Variants in PRTG observed in about 807,000 individuals in gnomAD.
The protein encoded by PRTG is protogenin, also known as immunoglobulin superfamily, DCC subclass, member 5.
Under a neutral mutation model 122.5 loss-of-function variants are expected in PRTG, and 67 were observed. That is an observed-to-expected ratio of 0.55 (90% CI 0.45 to 0.67). PRTG has a LOEUF of 0.67. PRTG is among the 30% of genes least tolerant of loss of function. The pLI is 0.00. For synonymous variants in PRTG, 554 were observed against 501.1 expected (o/e 1.11, Z -1.41); for missense variants, 1,435 against 1,415.4 (o/e 1.01, Z -0.22).
chr15:55,624,551 GATGCAGGCAA>G (rs1383620737), intron 17 of PRTG, 44 bp from the exon 18 acceptor site: 2 of 1,559,856 alleles, frequency 1.3e-6, no homozygotes, highest in Non-Finnish European at 1.7e-6. Flanking sequence ...TTTCATAGAA[GATGCAGGCAA>G]ATGAACCACC....
intron 2 of PRTG, among the ~76,000 whole-genome samples, chr15:55,720,996 T>C (rs2096409317): frequency 6.6e-6 from 1 of 152,072 alleles, no homozygotes; most frequent in African/African-American, 2.4e-5. Flanking sequence ...AACTACGTTT[T>C]TCCCAGCCAA....
At position 55,729,234 on chromosome 15, in the gene PRTG, T is replaced by C. The variant is rs567140857; in HGVS notation, c.397+11148A>G. On this transcript the variant is annotated intron_variant, in intron 2 of 19. Coordinates refer to ENST00000389286, the MANE Select transcript of PRTG (RefSeq NM_173814.6). Reference sequence around the variant, plus strand: ...ATACACGCCACAACGTGGATAAACCTTGAAAACATGCTAAGTGTAGGAAGA... The same window carrying C: ...ATACACGCCACAACGTGGATAAACCCTGAAAACATGCTAAGTGTAGGAAGA... Among the ~76,000 whole-genome samples, 16 of 152,340 alleles carry C rather than the reference T, an allele frequency of 1.1e-4. 1 individual carries two copies. In the South Asian group the frequency reaches 3.1e-3, roughly 30 times the overall value.
chr15:55,701,996 A>G (rs920327828), intron 2 of PRTG, among the ~76,000 whole-genome samples: 5 of 152,204 alleles, frequency 3.3e-5, no homozygotes. Flanking sequence ...ACTATTCTGT[A>G]TCCTGATTGT....
intron 18 of PRTG, among the ~76,000 whole-genome samples, chr15:55,622,564 TAAA>T (rs1567071885): frequency 6.7e-6 from 1 of 148,234 alleles, no homozygotes. Flanking sequence ...TTTTTTTTTT[TAAA>T]TTTTTAGTAG....
chr15:55,734,352 G>A (rs1182600822), intron 2 of PRTG, among the ~76,000 whole-genome samples: 5 of 152,090 alleles, frequency 3.3e-5, no homozygotes, highest in Non-Finnish European at 5.9e-5. Flanking sequence ...TTTATTTAAA[G>A]TAGTCTGCAT....
intron 2 of PRTG, among the ~76,000 whole-genome samples, chr15:55,722,526 A>C (rs1439496004): frequency 6.6e-6 from 1 of 152,246 alleles, no homozygotes; most frequent in African/African-American, 2.4e-5. Flanking sequence ...AGGGAATATC[A>C]GCCAAGGGCC....
chr15:55,738,025 TACAC>T lies in PRTG; in HGVS notation c.397+2353_397+2356del, dbSNP rs869067847. On this transcript the variant is annotated intron_variant, in intron 2 of 19. Transcript: ENST00000389286. The stretch of plus-strand genomic sequence containing the variant: ...CTCTATATATATATATATATATATA[TACAC>T]ACACACACACACACACACACACCAC... 4.0e-3 allele frequency among the ~76,000 whole-genome samples: 386 copies of T among 95,640 alleles called. 2 individuals carry two copies. The highest frequency in any genetic ancestry group is 0.013 in the African/African-American group (314 of 24,974). 62.7% of individuals were successfully genotyped at this position (95,640 alleles called of 152,430 possible). A position where few individuals can be genotyped will look rare whatever the true frequency, so the allele number is the denominator to read the frequency against.
At chr15:55,703,781 C>A (rs1467170821) in intron 2 of PRTG, among the ~76,000 whole-genome samples, 1 of 152,170 alleles carries the variant, frequency 6.6e-6, no homozygotes, top group African/African-American at 2.4e-5. Flanking sequence ...AAAAACTATT[C>A]TGTCTCCATA....
Position 55,738,000 on chromosome 15 carries a change from C to A in PRTG, c.397+2382G>T, listed in dbSNP as rs8035476. Among the ~76,000 whole-genome samples the A allele has an allele frequency of 2.6e-3, 174 of 66,906 alleles. 1 individual carries two copies. The highest frequency in any genetic ancestry group is 7.9e-3 in the African/African-American group (162 of 20,394). The allele number at this position is 66,906 out of a possible 152,430, so 43.9% of individuals were successfully genotyped here. A position where few individuals can be genotyped will look rare whatever the true frequency, so the allele number is the denominator to read the frequency against. Reference sequence around the variant, plus strand: ...ATTCTCTCTCTCTCTCTCTCTCTCTCTCTATATATATATATATATATATAT... The same window carrying A: ...ATTCTCTCTCTCTCTCTCTCTCTCTATCTATATATATATATATATATATAT... On this transcript the variant is annotated intron_variant, in intron 2 of 19. Coordinates refer to ENST00000389286, the MANE Select transcript of PRTG (RefSeq NM_173814.6).
At chr15:55,642,444 C>T (rs1280947876) in intron 11 of PRTG, among the ~76,000 whole-genome samples, 1 of 151,736 alleles carries the variant, frequency 6.6e-6, no homozygotes, top group Non-Finnish European at 1.5e-5. Context: ...TGGTGAAACC[C>T]CATCTCTACT....
intron 12 of PRTG, among the ~76,000 whole-genome samples, chr15:55,640,565 G>A (rs1260096857): frequency 6.6e-6 from 1 of 152,178 alleles, no homozygotes; most frequent in Non-Finnish European, 1.5e-5. Context: ...AAACAGCCTC[G>A]AGGGAAAAGC....
chr15:55,735,308 C>G (rs1205264926), intron 2 of PRTG, among the ~76,000 whole-genome samples: 2 of 151,986 alleles, frequency 1.3e-5, no homozygotes, highest in African/African-American at 4.8e-5. Flanking sequence ...ACTGAGCAAC[C>G]TTGTTCATGA....
At chr15:55,728,846 T>A (rs1394833921) in intron 2 of PRTG, among the ~76,000 whole-genome samples, 1 of 152,188 alleles carries the variant, frequency 6.6e-6, no homozygotes, top group East Asian at 1.9e-4. Flanking sequence ...TACAGAAAAT[T>A]GCAAGGAATC....
chr15:55,661,812 A>C (rs961531841), intron 11 of PRTG, among the ~76,000 whole-genome samples: 2 of 152,086 alleles, frequency 1.3e-5, no homozygotes, highest in Non-Finnish European at 2.9e-5. Context: ...CAGTAAAACA[A>C]CTTCAGGCCT....
intron 4 of PRTG, among the ~76,000 whole-genome samples, chr15:55,681,931 A>G (rs1026231889): frequency 1.3e-5 from 2 of 152,340 alleles, no homozygotes; most frequent in Admixed American, 1.3e-4. Flanking sequence ...TATTTTTTTA[A>G]AAAATAAAAA....
At position 55,667,834 on chromosome 15, in the gene PRTG, C is replaced by T. The variant is rs115617643; in HGVS notation, c.2041+4611G>A. Reference sequence around the variant, plus strand: ...GGCATGGCGGCTCACACCTACCATCCTGGCACTTTGGGAGGCTGAGGCAGG... The same window carrying T: ...GGCATGGCGGCTCACACCTACCATCTTGGCACTTTGGGAGGCTGAGGCAGG... On this transcript the variant is annotated intron_variant, in intron 11 of 19. Transcript: ENST00000389286. Among the ~76,000 whole-genome samples, 671 of 152,298 alleles carry T rather than the reference C, an allele frequency of 4.4e-3. 5 individuals are homozygous for T. The highest frequency in any genetic ancestry group is 0.016 in the African/African-American group (648 of 41,586).
At chr15:55,670,901 A>T (rs1207582632) in intron 11 of PRTG, among the ~76,000 whole-genome samples, 1 of 83,004 alleles carries the variant, frequency 1.2e-5, no homozygotes, top group Admixed American at 1.4e-4. Flanking sequence ...ACTCCGTCAC[A>T]AACACACACA....
chr15:55,677,869 A>G lies in PRTG; in HGVS notation c.1309T>C (p.Leu437=). The change falls in exon 8 of 20, where the codon TTA becomes CTA. Residue 437 remains leucine, a synonymous_variant. Coordinates refer to ENST00000389286, the MANE Select transcript of PRTG (RefSeq NM_173814.6). ...AETMSSSAIL[L]AWERPLYNSD... ...TTATAAAGTGGCCTCTCCCAGGCTA[A>G]AAGAATGGCTGAGCTTGACATGGTT... The G allele has an allele frequency of 6.2e-7, 1 of 1,613,968 alleles. No individual in the cohort carries two copies.
intron 17 of PRTG, among the ~76,000 whole-genome samples, chr15:55,625,918 C>T (rs141484188): frequency 2.6e-5 from 4 of 152,126 alleles, no homozygotes; most frequent in African/African-American, 7.2e-5. Context: ...CCATTGCACC[C>T]GGCCTAACAT....
Sources: allele counts gnomAD v4.1 joint callset (sites outside exome capture counted in the v4.1 genomes callset), GRCh38; gene constraint gnomAD v4.1.1; transcripts MANE v1.5; gene names NCBI Gene and HGNC (gene_info 2026-07-23, HGNC 2026-07-21).